The following CLRN1 variants were observed in gnomAD, a reference collection of about 807,000 sequenced individuals.
The protein encoded by CLRN1 is clarin-1.
A neutral mutation model predicts 18.7 loss-of-function variants in CLRN1; 15 were observed. The ratio of observed to expected loss-of-function variants is 0.80; its 90% CI spans 0.54 to 1.23. The LOEUF (loss-of-function observed/expected upper bound fraction) is 1.23, where lower values mean the gene tolerates loss of function less well. Ranked by LOEUF, CLRN1 falls within the 50% of genes most tolerant of loss-of-function variation. CLRN1 has a pLI of 0.00. For synonymous variants in CLRN1, 104 were observed against 102.9 expected, an observed-to-expected ratio of 1.01 and a Z score of -0.07; for missense variants, 311 against 277.5, an observed-to-expected ratio of 1.12 and a Z score of -0.86.
chr3:150,927,661 T>C lies in CLRN1; in HGVS notation c.*275A>G, dbSNP rs570356810. The C allele has an allele frequency of 6.9e-4, 356 of 517,724 alleles. 2 individuals are homozygous for C. The highest frequency in any genetic ancestry group is 3.2e-3 in the South Asian group (193 of 60,198). 32.1% of individuals were successfully genotyped at this position (517,724 alleles called of 1,614,324 possible). A position where few individuals can be genotyped will look rare whatever the true frequency, so the allele number is the denominator to read the frequency against. On this transcript the variant is annotated 3_prime_UTR_variant, in exon 3 of 3. Transcript: ENST00000327047. ...ACACACACACACACACACACACACATATATATATATGGAGTAACAATTTGT... is the reference window on the plus strand; with the variant it reads ...ACACACACACACACACACACACACACATATATATATGGAGTAACAATTTGT...
In CLRN1 at chr3:150,969,313, A is replaced by ATT. The variant is rs1196979915; in HGVS notation, c.253+3141_253+3142dup. Among the ~76,000 whole-genome samples the ATT allele has an allele frequency of 4.3e-3, 187 of 43,556 alleles. 15 individuals carry two copies. The highest frequency in any genetic ancestry group is 6.2e-3 in the East Asian group (8 of 1,284). The allele number at this position is 43,556 out of a possible 152,430, so 28.6% of individuals were successfully genotyped here. On this transcript the variant is annotated intron_variant, in intron 1 of 2. Coordinates refer to ENST00000327047, the MANE Select transcript of CLRN1 (RefSeq NM_174878.3). ...TTGTAATATATATATATATATATAT[A>ATT]TTTTTTTTTTTTTTTTTTTTTTTTT...
intron 1 of CLRN1, among the ~76,000 whole-genome samples, chr3:150,944,497 A>G (rs887990334): frequency 6.6e-6 from 1 of 151,864 alleles, no homozygotes. Flanking sequence ...GGGCTGGCCT[A>G]CGGTGGGAGA....
At chr3:150,936,904 T>G (rs1311890789) in intron 2 of CLRN1, among the ~76,000 whole-genome samples, 1 of 152,150 alleles carries the variant, frequency 6.6e-6, no homozygotes, top group Non-Finnish European at 1.5e-5. Flanking sequence ...ACTTGGGACG[T>G]TCTGTGAAGG....
intron 1 of CLRN1, chr3:150,942,438 C>G (rs560539266): frequency 4.6e-6 from 1 of 216,730 alleles, no homozygotes; most frequent in South Asian, 5.4e-5. Context: ...TCTGGTGAGG[C>G]ATCAGCATGC....
At chr3:150,935,994 T>A (rs1471431083) in intron 2 of CLRN1, among the ~76,000 whole-genome samples, 1 of 152,050 alleles carries the variant, frequency 6.6e-6, no homozygotes, top group Non-Finnish European at 1.5e-5. Flanking sequence ...ATGGGGTTGT[T>A]TGTTTTTTTC....
chr3:150,944,901 G>C (rs539092229), intron 1 of CLRN1, among the ~76,000 whole-genome samples: 1 of 152,336 alleles, frequency 6.6e-6, no homozygotes, highest in African/African-American at 2.4e-5. Context: ...TTCTGTCTTA[G>C]ATATTTTACG....
Position 150,941,635 on chromosome 3 carries a change from G to C in CLRN1, c.380C>G (p.Pro127Arg), listed in dbSNP as rs776997657. 106 of 1,613,900 alleles carry C rather than the reference G, an allele frequency of 6.6e-5. No individual in the cohort carries two copies. The highest frequency in any genetic ancestry group is 8.4e-5 in the Non-Finnish European group (99 of 1,179,964). ...TAGGGGACCATGCAGAGTTTCAAAAGGTTTTCCAAAAGCATTGTACATGAA... is the reference window on the plus strand; with the variant it reads ...TAGGGGACCATGCAGAGTTTCAAAACGTTTTCCAAAAGCATTGTACATGAA... The part of the protein sequence containing the change: ...AFFMYNAFGK[P>R]FETLHGPLGL... Residue 127 changes from proline (P) to arginine (R), a missense_variant, in exon 2 of 3, where the codon CCT becomes CGT. Physicochemically the swap from Pro to Arg is moderately radical, Grantham distance 103. Transcript: ENST00000327047.
chr3:150,932,777 C>T (rs1241793590), intron 2 of CLRN1, among the ~76,000 whole-genome samples: 1 of 152,158 alleles, frequency 6.6e-6, no homozygotes, highest in African/African-American at 2.4e-5. Flanking sequence ...CTACACTGCT[C>T]CAGAGACCGA....
At chr3:150,953,027 C>A (rs909119124) in intron 1 of CLRN1, among the ~76,000 whole-genome samples, 14 of 152,316 alleles carry the variant, frequency 9.2e-5, no homozygotes, top group Admixed American at 5.2e-4. Flanking sequence ...CTGACCAACA[C>A]TAATTTGACT....
At chr3:150,946,557 CTT>C (rs35932727) in intron 1 of CLRN1, among the ~76,000 whole-genome samples, 2 of 150,726 alleles carry the variant, frequency 1.3e-5, no homozygotes, top group Non-Finnish European at 3.0e-5. Context: ...TACAAAAATA[CTT>C]TTTTTTTAAT....
intron 2 of CLRN1, chr3:150,940,665 C>A: frequency 1.4e-6 from 1 of 694,708 alleles, no homozygotes; most frequent in Non-Finnish European, 2.3e-6. Flanking sequence ...GATCTTTTTG[C>A]AAAGTTAGAA....
chr3:150,943,059 C>T (rs1713952946), intron 1 of CLRN1, among the ~76,000 whole-genome samples: 1 of 152,174 alleles, frequency 6.6e-6, no homozygotes. Context: ...GTAACTGCAA[C>T]AGTTAGGAGA....
intron 1 of CLRN1, chr3:150,943,922 G>T (rs1559983951): frequency 6.2e-7 from 1 of 1,611,080 alleles, no homozygotes; most frequent in Non-Finnish European, 8.5e-7. Context: ...CCTGCAAGAG[G>T]TTGAGCAGGG....
In CLRN1 at chr3:150,927,221, G is replaced by T. The variant is rs556959530; in HGVS notation, c.*715C>A. The T allele has an allele frequency of 6.0e-6, 3 of 501,216 alleles. No individual in the cohort carries two copies. The highest frequency in any genetic ancestry group is 2.3e-5 in the Admixed American group (1 of 44,048). The allele number at this position is 501,216 out of a possible 1,614,324, so 31.0% of individuals were successfully genotyped here. ...TTCTTCTTTTCTTCTTTTAGAGTTT[G>T]CAGATTTTGACCAACAGACATGGTT... On this transcript the variant is annotated 3_prime_UTR_variant, in exon 3 of 3. Coordinates refer to ENST00000327047, the MANE Select transcript of CLRN1 (RefSeq NM_174878.3).
chr3:150,930,016 T>C (rs531348699), intron 2 of CLRN1, among the ~76,000 whole-genome samples: 1 of 152,318 alleles, frequency 6.6e-6, no homozygotes, highest in South Asian at 2.1e-4. Flanking sequence ...TCTCTAGACT[T>C]ATATGGGGGA....
At chr3:150,947,648 T>C (rs948985419) in intron 1 of CLRN1, among the ~76,000 whole-genome samples, 25 of 152,158 alleles carry the variant, frequency 1.6e-4, no homozygotes, top group Non-Finnish European at 2.9e-4. Context: ...AACCACATAA[T>C]TGGACATAAA....
chr3:150,941,138 G>GTCTATCTATCTATCTATCTA (rs59227042), intron 2 of CLRN1, among the ~76,000 whole-genome samples: 15 of 141,538 alleles, frequency 1.1e-4, no homozygotes, highest in East Asian at 2.1e-4. Context: ...CTGTCTGTCT[G>GTCTATCTATCTATCTATCTA]TCTATCTATC....
chr3:150,949,381 T>A (rs369252561), intron 1 of CLRN1, among the ~76,000 whole-genome samples: 1 of 151,924 alleles, frequency 6.6e-6, no homozygotes. Context: ...GAGAAAGAAA[T>A]AAAGGGCATC....
At chr3:150,961,920 A>G (rs986686725) in intron 1 of CLRN1, among the ~76,000 whole-genome samples, 4 of 152,222 alleles carry the variant, frequency 2.6e-5, no homozygotes, top group Admixed American at 2.0e-4. Context: ...AATGAAATCC[A>G]TGACCCCAGC....
Sources: allele counts gnomAD v4.1 joint callset (sites outside exome capture counted in the v4.1 genomes callset), GRCh38; gene constraint gnomAD v4.1.1; transcripts MANE v1.5; gene names NCBI Gene and HGNC (gene_info 2026-07-23, HGNC 2026-07-21).